Variants in ACVR1C observed in about 807,000 individuals in gnomAD.
The protein encoded by ACVR1C is activin receptor type-1C.
ACVR1C carries 23 observed loss-of-function variants against 57.9 expected under a neutral mutation model. The ratio of observed to expected loss-of-function variants is 0.40; its 90% CI spans 0.29 to 0.56. The LOEUF is 0.56. Among genes scored for constraint, ACVR1C ranks in the 20% least tolerant of loss-of-function variants. The probability of loss-of-function intolerance (pLI) is 0.50; values close to 1 mark genes in which losing one functional copy is unlikely to be tolerated. For missense variants in ACVR1C, 480 were observed against 607.9 expected, an observed-to-expected ratio of 0.79 and a Z score of 2.21; for synonymous variants, 214 against 215.3, an observed-to-expected ratio of 0.99 and a Z score of 0.05.
At chr2:157,563,965 T>TA (rs1219969536) in intron 2 of ACVR1C, among the ~76,000 whole-genome samples, 5 of 152,046 alleles carry the variant, frequency 3.3e-5, no homozygotes, top group Non-Finnish European at 7.4e-5. Context: ...AAAAATTAAC[T>TA]CAAGATGGAT....
At chr2:157,573,742 C>T (rs138064037) in intron 2 of ACVR1C, among the ~76,000 whole-genome samples, 24 of 152,198 alleles carry the variant, frequency 1.6e-4, no homozygotes, top group African/African-American at 5.5e-4. Flanking sequence ...ATCATTATTT[C>T]TCTGAGCATG....
At chr2:157,574,880 G>A (rs916119357) in intron 2 of ACVR1C, among the ~76,000 whole-genome samples, 6 of 152,186 alleles carry the variant, frequency 3.9e-5, no homozygotes, top group African/African-American at 1.4e-4. Flanking sequence ...CATGATCCAA[G>A]GCAGCTGCTA....
chr2:157,614,942 T>C (rs186015445), intron 1 of ACVR1C, among the ~76,000 whole-genome samples: 6 of 152,330 alleles, frequency 3.9e-5, no homozygotes, highest in Admixed American at 3.9e-4. Context: ...CTTGCTTTTT[T>C]ACCCAGTCTG....
intron 2 of ACVR1C, 41 bp from the exon 3 acceptor site, chr2:157,556,373 C>T (rs754617534): frequency 1.2e-5 from 19 of 1,598,462 alleles, no homozygotes; most frequent in Non-Finnish European, 1.6e-5. Flanking sequence ...TAAATCAAAC[C>T]ATTTTAAGTA....
At position 157,531,628 on chromosome 2, in the gene ACVR1C, C is replaced by T. The variant is rs1034196824; in HGVS notation, c.*2290G>A. 25 of 152,094 alleles carry T rather than the reference C, an allele frequency of 1.6e-4. No homozygotes were observed. The highest frequency in any genetic ancestry group is 2.1e-4 in the Non-Finnish European group (14 of 67,920). The allele number at this position is 152,094 out of a possible 1,614,324, so 9.4% of individuals were successfully genotyped here. A position where few individuals can be genotyped will look rare whatever the true frequency, so the allele number is the denominator to read the frequency against. ...TACAACCATAGTAAATAAATAATTT[C>T]GTTCTTATATATGCAGAAAAACAAT... On this transcript the variant is annotated 3_prime_UTR_variant, in exon 9 of 9. Coordinates refer to ENST00000243349, the MANE Select transcript of ACVR1C (RefSeq NM_145259.3).
chr2:157,576,012 T>G (rs1425497302), intron 2 of ACVR1C, among the ~76,000 whole-genome samples: 1 of 152,052 alleles, frequency 6.6e-6, no homozygotes, highest in African/African-American at 2.4e-5. Context: ...CTTCTTTTGT[T>G]GTGAAATATA....
chr2:157,552,829 C>A (rs1307276910), intron 3 of ACVR1C, among the ~76,000 whole-genome samples: 2 of 152,190 alleles, frequency 1.3e-5, no homozygotes, highest in Admixed American at 6.5e-5. Flanking sequence ...TTCTGTTATG[C>A]ACCTAGACAT....
In ACVR1C at chr2:157,587,187, C is replaced by A; in HGVS notation, c.304G>T (p.Ala102Ser). Residue 102 changes from alanine to serine, a missense_variant and splice_region_variant, in exon 2 of 9, where the codon GCA becomes TCA. Transcript: ENST00000243349. ...CNNITLHLPTASPNAPKLGPM... is the reference protein window; with the variant it reads ...CNNITLHLPTSSPNAPKLGPM... ...GAATGAACAAAGATAAACCCCTTACCTGTTGGAAGGTGCAGTGTTATGTTG... is the reference window on the plus strand; with the variant it reads ...GAATGAACAAAGATAAACCCCTTACATGTTGGAAGGTGCAGTGTTATGTTG... The A allele has an allele frequency of 1.2e-6, 2 of 1,605,890 alleles. No individual in the cohort carries two copies. Among genetic ancestry groups the A allele is most frequent in the Non-Finnish European group, 1.7e-6 (2 of 1,172,750 alleles).
At chr2:157,541,270 A>G (rs1466782573) in intron 6 of ACVR1C, 56 bp from the exon 7 acceptor site, 1 of 1,538,676 alleles carries the variant, frequency 6.5e-7, no homozygotes, top group Non-Finnish European at 8.8e-7. Context: ...AGTCCAGTAA[A>G]ACAATCTTAA....
intron 1 of ACVR1C, among the ~76,000 whole-genome samples, chr2:157,587,772 G>T (rs1688961148): frequency 6.6e-6 from 1 of 151,994 alleles, no homozygotes; most frequent in African/African-American, 2.4e-5. Context: ...CAACCAAGGG[G>T]AGCTGTCCAG....
In ACVR1C at chr2:157,544,525, G is replaced by T. The variant is rs1687699548; in HGVS notation, c.863C>A (p.Thr288Asn). The change falls in exon 5 of 9, where the codon ACC (threonine) becomes AAC (asparagine). Residue 288 changes from threonine to asparagine, a missense_variant. Thr to Asn is a moderately conservative substitution (Grantham distance 65, BLOSUM62 0). Transcript: ENST00000243349. Reference sequence around the variant, plus strand: ...CGCCAGCTTGATCATTCCAGCCACGGTCACTATATTTCTATTCAAATAGTC... The same window carrying T: ...CGCCAGCTTGATCATTCCAGCCACGTTCACTATATTTCTATTCAAATAGTC... ...LYDYLNRNIV[T>N]VAGMIKLALS... The T allele has an allele frequency of 1.2e-6, 2 of 1,613,930 alleles. No individual in the cohort carries two copies. Among genetic ancestry groups the T allele is most frequent in the African/African-American group, 1.3e-5 (1 of 74,988 alleles).
At chr2:157,591,191 G>C (rs527289874) in intron 1 of ACVR1C, among the ~76,000 whole-genome samples, 1 of 151,806 alleles carries the variant, frequency 6.6e-6, no homozygotes, top group Non-Finnish European at 1.5e-5. Context: ...ATCTCTTTCC[G>C]CTCTGTCAAG....
At chr2:157,589,292 T>C (rs934023849) in intron 1 of ACVR1C, among the ~76,000 whole-genome samples, 6 of 152,018 alleles carry the variant, frequency 3.9e-5, no homozygotes, top group Non-Finnish European at 8.8e-5. Context: ...TTAGTGATGT[T>C]GAACATTTTT....
At position 157,628,685 on chromosome 2, in the gene ACVR1C, C is replaced by A; in HGVS notation, c.-41G>T. ...GCGCCGGGGCTGCGAGGCCCCAGAGCAGAGCGAGGCAGCCGGGGCAGCACG... is the reference window on the plus strand; with the variant it reads ...GCGCCGGGGCTGCGAGGCCCCAGAGAAGAGCGAGGCAGCCGGGGCAGCACG... On this transcript the variant is annotated 5_prime_UTR_variant, in exon 1 of 9. Coordinates refer to ENST00000243349, the MANE Select transcript of ACVR1C (RefSeq NM_145259.3). 2 of 1,487,908 alleles carry A rather than the reference C, an allele frequency of 1.3e-6. No homozygotes were observed. The highest frequency in any genetic ancestry group is 8.9e-7 in the Non-Finnish European group (1 of 1,120,306). The allele number at this position is 1,487,908 out of a possible 1,614,324, so 92.2% of individuals were successfully genotyped here.
At chr2:157,568,033 C>T (rs1337677230) in intron 2 of ACVR1C, among the ~76,000 whole-genome samples, 1 of 150,076 alleles carries the variant, frequency 6.7e-6, no homozygotes, top group African/African-American at 2.4e-5. Flanking sequence ...AGAAACCCTA[C>T]AAGCCAGAAG....
chr2:157,572,464 G>C (rs1201089374), intron 2 of ACVR1C, among the ~76,000 whole-genome samples: 2 of 151,654 alleles, frequency 1.3e-5, no homozygotes, highest in African/African-American at 4.8e-5. Context: ...GGAAAAAACT[G>C]ATGTGAAATA....
rs1010563861 is a variant in ACVR1C at position 157,542,787 on chromosome 2, G to C, written c.1019C>G (p.Ala340Gly). 1 of 1,613,878 alleles carries C rather than the reference G, an allele frequency of 6.2e-7. No homozygotes were observed. Among genetic ancestry groups the C allele is most frequent in the Admixed American group, 1.7e-5 (1 of 59,992 alleles). Residue 340 changes from alanine (A) to glycine (G), a missense_variant, in exon 6 of 9, where the codon GCG becomes GGG. By Grantham distance (60) the Ala-to-Gly change is moderately conservative. Coordinates refer to ENST00000243349, the MANE Select transcript of ACVR1C (RefSeq NM_145259.3). ...ATGCTTCACAGCCAACCCTAAGTCC[G>C]CTATGGCACAAGTTTCACACTTTTT... ...LVKKCETCAI[A>G]DLGLAVKHDS... is the part of the protein sequence containing the mutation.
Position 157,542,803 on chromosome 2 carries a change from C to T in ACVR1C, c.1003G>A (p.Glu335Lys), listed in dbSNP as rs1036474257. Residue 335 changes from glutamate (E) to lysine (K), a missense_variant, in exon 6 of 9, where the codon GAA (glutamate) becomes AAA (lysine). Glu to Lys is a moderately conservative substitution (Grantham distance 56). Transcript: ENST00000243349. ...KSKNILVKKC[E>K]TCAIADLGLA... ...CCTAAGTCCGCTATGGCACAAGTTT[C>T]ACACTTTTTCACTAAGATATTCTTT... 19 of 1,613,958 alleles carry T rather than the reference C, an allele frequency of 1.2e-5. No individual in the cohort carries two copies. Among genetic ancestry groups the T allele is most frequent in the Non-Finnish European group, 1.5e-5 (18 of 1,179,978 alleles).
At position 157,555,167 on chromosome 2, in the gene ACVR1C, G is replaced by A. The variant is rs148743521; in HGVS notation, c.544+926C>T. On this transcript the variant is annotated intron_variant, in intron 3 of 8. Transcript: ENST00000243349. ...CGCTCTGTCACCCAGGCCGGACTGC[G>A]GACTGCAGTGGCGCAATCTCGGCTC... is the stretch of plus-strand genomic sequence containing the variant. Among the ~76,000 whole-genome samples the A allele has an allele frequency of 3.8e-3, 498 of 130,302 alleles. 20 individuals are homozygous for A. In the East Asian group the frequency reaches 0.094, roughly 25 times the overall value. 85.5% of individuals were successfully genotyped at this position (130,302 alleles called of 152,430 possible). A position where few individuals can be genotyped will look rare whatever the true frequency, so the allele number is the denominator to read the frequency against.
Sources: gnomAD v4.1 joint callset for allele counts (sites outside exome capture counted in the v4.1 genomes callset) on GRCh38, gnomAD v4.1.1 for gene constraint, MANE v1.5 for transcripts, NCBI Gene and HGNC (gene_info 2026-07-23, HGNC 2026-07-21) for gene names.